The following PRKAR2B variants were observed in gnomAD, a reference collection of about 807,000 sequenced individuals.
PRKAR2B encodes protein kinase cAMP-dependent type II regulatory subunit beta.
A neutral mutation model predicts 49.9 loss-of-function variants in PRKAR2B; 14 were observed. That is an observed-to-expected ratio of 0.28 (90% CI 0.19 to 0.44). PRKAR2B has a LOEUF of 0.44. Among genes scored for constraint, PRKAR2B ranks in the 20% least tolerant of loss-of-function variants. The pLI is 1.00. For synonymous variants in PRKAR2B, 196 were observed against 197.7 expected (o/e 0.99, Z 0.07); for missense variants, 393 against 537.9 (o/e 0.73, Z 2.67).
intron 6 of PRKAR2B, among the ~76,000 whole-genome samples, chr7:107,147,328 C>T (rs1446847447): frequency 6.6e-6 from 1 of 152,134 alleles, no homozygotes; most frequent in Admixed American, 6.6e-5. Flanking sequence ...AATCCTCTTA[C>T]CTAGACCTCA....
chr7:107,051,889 G>T (rs1793812132), intron 1 of PRKAR2B, among the ~76,000 whole-genome samples: 1 of 152,070 alleles, frequency 6.6e-6, no homozygotes, highest in Admixed American at 6.5e-5. Flanking sequence ...GTATCTGTTT[G>T]ACTAAGGATG....
At chr7:107,051,074 A>T (rs1486084182) in intron 1 of PRKAR2B, among the ~76,000 whole-genome samples, 2 of 152,236 alleles carry the variant, frequency 1.3e-5, no homozygotes, top group African/African-American at 4.8e-5. Context: ...TAGATGGGGC[A>T]GGTGAGAGAC....
chr7:107,155,475 A>G (rs561803594), intron 8 of PRKAR2B, among the ~76,000 whole-genome samples: 3 of 152,302 alleles, frequency 2.0e-5, no homozygotes, highest in East Asian at 3.9e-4. Flanking sequence ...GAACCAATCT[A>G]CATTCCCACC....
At chr7:107,045,260 C>T in intron 1 of PRKAR2B, 46 bp downstream of exon 1, 4 of 1,363,480 alleles carry the variant, frequency 2.9e-6, no homozygotes, top group Middle Eastern at 2.7e-4. Context: ...CCCCTCGCTG[C>T]CCCCCACCGC....
At chr7:107,057,382 C>T (rs1793936588) in intron 1 of PRKAR2B, among the ~76,000 whole-genome samples, 1 of 151,614 alleles carries the variant, frequency 6.6e-6, no homozygotes, top group African/African-American at 2.4e-5. Flanking sequence ...TTTCCCACTC[C>T]ACTAATTTTC....
At chr7:107,067,753 G>A (rs554212760) in intron 1 of PRKAR2B, among the ~76,000 whole-genome samples, 32 of 152,244 alleles carry the variant, frequency 2.1e-4, no homozygotes, top group Middle Eastern at 6.8e-3. Flanking sequence ...TGTAGTAGTC[G>A]CATGGTTTTC....
At position 107,161,798 on chromosome 7, in the gene PRKAR2B, C is replaced by T. The variant is rs1796203127; in HGVS notation, c.*2216C>T. On this transcript the variant is annotated 3_prime_UTR_variant, in exon 11 of 11. Coordinates refer to ENST00000265717, the MANE Select transcript of PRKAR2B (RefSeq NM_002736.3). ...TATGTGTAAAATTATCTGATTAAAA[C>T]AGCTCAAGTTTGACTTGTGGATGTC... 6.6e-6 allele frequency: 1 copy of T among 152,148 alleles called. No individual in the cohort carries two copies. Among genetic ancestry groups the T allele is most frequent in the African/African-American group, 2.4e-5 (1 of 41,432 alleles). 9.4% of individuals were successfully genotyped at this position (152,148 alleles called of 1,614,324 possible).
intron 6 of PRKAR2B, among the ~76,000 whole-genome samples, chr7:107,150,698 TAAAAAAAA>T (rs58258955): frequency 0.087 from 12,274 of 140,566 alleles, 587 homozygotes; most frequent in East Asian, 0.19. Flanking sequence ...ATGCTTTCTT[TAAAAAAAA>T]AAAAAAAAAA....
chr7:107,083,508 C>A (rs954118002), intron 2 of PRKAR2B, among the ~76,000 whole-genome samples: 2 of 152,018 alleles, frequency 1.3e-5, no homozygotes, highest in African/African-American at 4.8e-5. Context: ...AGGGAGTTTT[C>A]TTATTATCTC....
At chr7:107,148,908 A>T (rs781179509) in intron 6 of PRKAR2B, among the ~76,000 whole-genome samples, 1 of 152,244 alleles carries the variant, frequency 6.6e-6, no homozygotes, top group African/African-American at 2.4e-5. Context: ...TTTATATGTC[A>T]CAGTGGGTGT....
chr7:107,072,027 C>T (rs1172612431), intron 2 of PRKAR2B, among the ~76,000 whole-genome samples: 1 of 150,400 alleles, frequency 6.6e-6, no homozygotes, highest in Non-Finnish European at 1.5e-5. Context: ...CAAGATTGCA[C>T]CACTGCACTC....
intron 2 of PRKAR2B, among the ~76,000 whole-genome samples, chr7:107,097,263 G>A (rs967695327): frequency 7.9e-5 from 12 of 152,058 alleles, no homozygotes; most frequent in Non-Finnish European, 1.6e-4. Flanking sequence ...ATTATGTAAT[G>A]GCCTTCTTTG....
At chr7:107,118,430 T>A (rs977501968) in intron 2 of PRKAR2B, among the ~76,000 whole-genome samples, 6 of 149,736 alleles carry the variant, frequency 4.0e-5, no homozygotes, top group Admixed American at 6.8e-5. Flanking sequence ...TGCAAGCTTG[T>A]TTGTTCATCA....
At chr7:107,157,105 C>G (rs1239838496) in intron 9 of PRKAR2B, 56 bp downstream of exon 9, 12 of 1,607,114 alleles carry the variant, frequency 7.5e-6, no homozygotes, top group South Asian at 1.1e-5. Flanking sequence ...CACAACAGAT[C>G]TACTTTTTGA....
At chr7:107,103,581 T>C (rs1233316884) in intron 2 of PRKAR2B, among the ~76,000 whole-genome samples, 1 of 152,194 alleles carries the variant, frequency 6.6e-6, no homozygotes, top group Non-Finnish European at 1.5e-5. Context: ...ACCAGCAAAC[T>C]AACCAGAAAT....
Position 107,044,956 on chromosome 7 carries a change from A to G in PRKAR2B, c.49A>G (p.Thr17Ala). ...ACTGACGGAGCTGCTGCAGGGCTTC[A>G]CGGTGGAGGTGCTGAGGCACCAGCC... ...AGLTELLQGFTVEVLRHQPAD... is the reference protein window; with the variant it reads ...AGLTELLQGFAVEVLRHQPAD... Residue 17 changes from threonine to alanine, a missense_variant, in exon 1 of 11, where the codon ACG becomes GCG. Coordinates refer to ENST00000265717, the MANE Select transcript of PRKAR2B (RefSeq NM_002736.3). 1 of 1,595,960 alleles carries G rather than the reference A, an allele frequency of 6.3e-7. No individual in the cohort carries two copies. The highest frequency in any genetic ancestry group is 8.5e-7 in the Non-Finnish European group (1 of 1,173,710).
chr7:107,120,921 A>G (rs1327288992), intron 2 of PRKAR2B, among the ~76,000 whole-genome samples: 1 of 151,666 alleles, frequency 6.6e-6, no homozygotes, highest in Non-Finnish European at 1.5e-5. Context: ...CAAAGGAGGA[A>G]ATACAACCAT....
chr7:107,056,669 C>T (rs1793918859), intron 1 of PRKAR2B, among the ~76,000 whole-genome samples: 1 of 152,112 alleles, frequency 6.6e-6, no homozygotes, highest in Non-Finnish European at 1.5e-5. Context: ...ATTTTGTATC[C>T]TGAGACTTTG....
intron 1 of PRKAR2B, among the ~76,000 whole-genome samples, chr7:107,067,590 G>C (rs887907949): frequency 6.6e-6 from 1 of 152,150 alleles, no homozygotes; most frequent in Non-Finnish European, 1.5e-5. Flanking sequence ...CAAGTAAAAT[G>C]TATTTCAGTA....
Sources: allele counts gnomAD v4.1 joint callset (sites outside exome capture counted in the v4.1 genomes callset), GRCh38; gene constraint gnomAD v4.1.1; transcripts MANE v1.5; gene names NCBI Gene and HGNC (gene_info 2026-07-23, HGNC 2026-07-21).